Variants in DPY19L3 observed in about 807,000 individuals in gnomAD.
DPY19L3 encodes the protein dpy-19 like C-mannosyltransferase 3.
Under a neutral mutation model 92.3 loss-of-function variants are expected in DPY19L3, and 51 were observed. The observed-to-expected ratio is 0.55, with a 90% confidence interval of 0.44 to 0.70. The LOEUF is 0.70. Among genes scored for constraint, DPY19L3 ranks in the 30% least tolerant of loss-of-function variants. The pLI is 0.00. For synonymous variants in DPY19L3, 309 were observed against 315.2 expected, an observed-to-expected ratio of 0.98 and a Z score of 0.21; for missense variants, 706 against 855.9, an observed-to-expected ratio of 0.82 and a Z score of 2.18.
At chr19:32,456,689 C>T (rs1019644461) in intron 10 of DPY19L3, among the ~76,000 whole-genome samples, 3 of 152,130 alleles carry the variant, frequency 2.0e-5, no homozygotes, top group African/African-American at 7.2e-5. Context: ...CCACTTCAGC[C>T]TCCCACAGTG....
At position 32,482,387 on chromosome 19, in the gene DPY19L3, C is replaced by A; in HGVS notation, c.*147C>A. 1.1e-6 allele frequency: 1 copy of A among 893,698 alleles called. No individual in the cohort carries two copies. The highest frequency in any genetic ancestry group is 1.7e-6 in the Non-Finnish European group (1 of 601,796). 55.4% of individuals were successfully genotyped at this position (893,698 alleles called of 1,614,324 possible). A position where few individuals can be genotyped will look rare whatever the true frequency, so the allele number is the denominator to read the frequency against. ...TCTACAGATGTTTACACAAGTGTTG[C>A]CATCTTTGAAAGCATCTTCTACAAG... On this transcript the variant is annotated 3_prime_UTR_variant, in exon 19 of 19. Coordinates refer to ENST00000392250, the MANE Select transcript of DPY19L3 (RefSeq NM_001172774.2).
intron 3 of DPY19L3, among the ~76,000 whole-genome samples, chr19:32,416,905 C>T (rs180751472): frequency 3.4e-4 from 52 of 152,370 alleles, no homozygotes; most frequent in Non-Finnish European, 1.8e-4. Flanking sequence ...GCACATGGCT[C>T]AAAGCCCTGA....
chr19:32,477,349 C>A, intron 16 of DPY19L3, 173 bp from the exon 17 acceptor site: 1 of 711,342 alleles, frequency 1.4e-6, no homozygotes, highest in Non-Finnish European at 2.2e-6. Flanking sequence ...ATTACTTTTG[C>A]ACTCAATAGT....
At chr19:32,467,731 G>A (rs1303864676) in intron 15 of DPY19L3, 4 of 986,584 alleles carry the variant, frequency 4.1e-6, no homozygotes, top group African/African-American at 1.7e-5. Context: ...AATATGTGAA[G>A]TGAATTCTAC....
intron 3 of DPY19L3, among the ~76,000 whole-genome samples, chr19:32,422,045 C>T (rs1287564547): frequency 6.6e-6 from 1 of 152,164 alleles, no homozygotes; most frequent in Non-Finnish European, 1.5e-5. Flanking sequence ...CTGGCCTCAC[C>T]CCCACATGAA....
In DPY19L3 at chr19:32,464,791, C is replaced by G; in HGVS notation, c.1614+7C>G. On this transcript the variant is annotated splice_region_variant and intron_variant, in intron 15 of 18. Transcript: ENST00000392250. The stretch of plus-strand genomic sequence containing the variant: ...GCTGTATCTATGCTATAAGGTAAGA[C>G]TGATTTTCCTCATTCTTGTCATTCA... 6.6e-7 allele frequency: 1 copy of G among 1,504,202 alleles called. No individual in the cohort carries two copies. Among genetic ancestry groups the G allele is most frequent in the Non-Finnish European group, 9.0e-7 (1 of 1,109,464 alleles). The allele number at this position is 1,504,202 out of a possible 1,614,324, so 93.2% of individuals were successfully genotyped here. A position where few individuals can be genotyped will look rare whatever the true frequency, so the allele number is the denominator to read the frequency against.
intron 3 of DPY19L3, among the ~76,000 whole-genome samples, chr19:32,416,514 C>A (rs1968383628): frequency 6.6e-6 from 1 of 152,252 alleles, no homozygotes; most frequent in South Asian, 2.1e-4. Flanking sequence ...GCTACAAATT[C>A]TGAGGTTCCC....
At chr19:32,464,583 T>A in intron 14 of DPY19L3, 145 bp from the exon 15 acceptor site, 1 of 473,706 alleles carries the variant, frequency 2.1e-6, no homozygotes, top group Non-Finnish European at 3.7e-6. Flanking sequence ...ACTCCTATAA[T>A]CCTAGCTGCT....
intron 3 of DPY19L3, among the ~76,000 whole-genome samples, chr19:32,422,565 AAG>A (rs1031512466): frequency 4.0e-5 from 6 of 151,832 alleles, no homozygotes; most frequent in African/African-American, 1.5e-4. Flanking sequence ...ATTGAGGACA[AAG>A]AGCAGCAAGC....
chr19:32,406,448 C>G (rs976980100), intron 1 of DPY19L3: 1 of 152,312 alleles, frequency 6.6e-6, no homozygotes, highest in Non-Finnish European at 1.5e-5. Flanking sequence ...CAACCTCGAA[C>G]TCTTGGGCTC....
chr19:32,432,840 C>T (rs577666952), intron 4 of DPY19L3, 34 bp downstream of exon 4: 1 of 1,595,452 alleles, frequency 6.3e-7, no homozygotes, highest in Admixed American at 1.7e-5. Context: ...TTGGGGTCTC[C>T]TGCATTTTTT....
rs1442566308 is a variant in DPY19L3, at chr19:32,463,799, ATAGGTGTCTCAGAATCCAGGT to A, written c.1446-68_1446-48del. ...CGTCATAGACTGTAAAGCTGCCTTT[ATAGGTGTCTCAGAATCCAGGT>A]TTATATACAACTAGTACTTCTGACT... On this transcript the variant is annotated intron_variant, in intron 13 of 18. Transcript: ENST00000392250. 3 of 1,316,002 alleles carry A rather than the reference ATAGGTGTCTCAGAATCCAGGT, an allele frequency of 2.3e-6. No homozygotes were observed. The African/African-American group carries it at 4.4e-5, about 19-fold the overall frequency. 81.5% of individuals were successfully genotyped at this position (1,316,002 alleles called of 1,614,324 possible).
chr19:32,412,109 C>G (rs1968204329), intron 3 of DPY19L3: 1 of 152,184 alleles, frequency 6.6e-6, no homozygotes, highest in Non-Finnish European at 1.5e-5. Flanking sequence ...CTCCTGGGCT[C>G]AAGCGATCCT....
At chr19:32,406,557 C>G (rs1398927266) in intron 1 of DPY19L3, among the ~76,000 whole-genome samples, 2 of 151,928 alleles carry the variant, frequency 1.3e-5, no homozygotes, top group African/African-American at 4.8e-5. Flanking sequence ...TCGCTCTGTT[C>G]CCCAGGCTGG....
At chr19:32,433,722 C>CCATA (rs1202148155) in intron 4 of DPY19L3, among the ~76,000 whole-genome samples, 8 of 152,134 alleles carry the variant, frequency 5.3e-5, no homozygotes, top group Non-Finnish European at 1.2e-4. Flanking sequence ...CGCGCCCAGC[C>CCATA]CATAAGTGAT....
At chr19:32,469,506 A>G (rs571827870) in intron 16 of DPY19L3, among the ~76,000 whole-genome samples, 31 of 152,108 alleles carry the variant, frequency 2.0e-4, no homozygotes, top group Middle Eastern at 3.4e-3. Context: ...AAAAAAAAAA[A>G]AAAGAAAGAA....
chr19:32,463,935 AT>A lies in DPY19L3; in HGVS notation c.1513del (p.Trp505GlyfsTer5). ...CATTCGGCCTATGTAGCCCTGAAAT[AT>A]GGGAGTTACTTCTGAAGTCAGTCCA... The part of the protein sequence containing the change: ...ASFGLCSPEI[W>X]ELLLKSVHLY... On this transcript the variant is annotated frameshift_variant, in exon 14 of 19. Coordinates refer to ENST00000392250, the MANE Select transcript of DPY19L3 (RefSeq NM_001172774.2). LOFTEE classifies it high-confidence loss of function. 1 of 1,613,514 alleles carries A rather than the reference AT, an allele frequency of 6.2e-7. No homozygotes were observed. The highest frequency in any genetic ancestry group is 8.5e-7 in the Non-Finnish European group (1 of 1,179,568).
intron 1 of DPY19L3, 64 bp downstream of exon 1, chr19:32,405,973 G>T (rs947536377): frequency 6.6e-6 from 1 of 151,266 alleles, no homozygotes; most frequent in South Asian, 2.1e-4. Context: ...GGGCGCCGGC[G>T]GAACCCTCGG....
At chr19:32,465,382 G>C (rs894995138) in intron 15 of DPY19L3, among the ~76,000 whole-genome samples, 5 of 152,198 alleles carry the variant, frequency 3.3e-5, no homozygotes, top group Non-Finnish European at 7.3e-5. Context: ...GGTTGACTGT[G>C]GCTTTTTGTC....
Sources: allele counts gnomAD v4.1 joint callset (sites outside exome capture counted in the v4.1 genomes callset), GRCh38; gene constraint gnomAD v4.1.1; transcripts MANE v1.5; gene names NCBI Gene and HGNC (gene_info 2026-07-23, HGNC 2026-07-21).